PTPRS: variants seen among roughly 807,000 people sequenced by gnomAD.
PTPRS encodes the protein receptor-type tyrosine-protein phosphatase S.
In PTPRS, 63 loss-of-function variants were observed where a neutral mutation model predicts 215.3. The observed-to-expected ratio is 0.29, with a 90% CI of 0.24 to 0.36. The LOEUF is 0.36. Among genes scored for constraint, PTPRS ranks in the 10% least tolerant of loss-of-function variants. The pLI is 1.00. For missense variants in PTPRS, 2,258 were observed against 2,825.8 expected (o/e 0.80, Z 4.56); for synonymous variants, 1,404 against 1,191.4 (o/e 1.18, Z -3.68).
In PTPRS at chr19:5,258,133, G is replaced by A; in HGVS notation, c.596-6C>T. ...GCTTTCAATCTGCAGGGCTCCTGTG[G>A]GAAGATGGGAAAAAGCTTGGTCTGT... On this transcript the variant is annotated splice_polypyrimidine_tract_variant and splice_region_variant and intron_variant, in intron 7 of 37. Transcript: ENST00000262963. 2 of 1,612,204 alleles carry A rather than the reference G, an allele frequency of 1.2e-6. No individual in the cohort carries two copies. The highest frequency in any genetic ancestry group is 1.7e-6 in the Non-Finnish European group (2 of 1,178,234).
chr19:5,264,811 C>T (rs2046284443), intron 5 of PTPRS, among the ~76,000 whole-genome samples, 197 bp downstream of exon 5: 1 of 152,206 alleles, frequency 6.6e-6, no homozygotes, highest in Non-Finnish European at 1.5e-5. Context: ...AGTACTCATG[C>T]CCATCTGTGC....
chr19:5,329,358 C>T (rs578023524), intron 1 of PTPRS, among the ~76,000 whole-genome samples: 1 of 152,292 alleles, frequency 6.6e-6, no homozygotes, highest in African/African-American at 2.4e-5. Flanking sequence ...TGGCCGATAA[C>T]ATCTTTGCTC....
rs556730009 is a variant in PTPRS at position 5,339,474 on chromosome 19, T to C, written c.-95+1190A>G. The stretch of plus-strand genomic sequence containing the variant: ...TTCCCAGTTTGTGGGAAAGGTTCCC[T>C]GATTTGAGGATTCTGGAGAGAAAGC... On this transcript the variant is annotated intron_variant, in intron 1 of 37. Transcript: ENST00000262963. The surrounding 1 kb of genome is among the most constrained non-coding windows in gnomAD (Gnocchi z 4.2). 6.6e-6 allele frequency among the ~76,000 whole-genome samples: 1 copy of C among 151,308 alleles called. No individual in the cohort carries two copies. The highest frequency in any genetic ancestry group is 2.0e-4 in the East Asian group (1 of 5,084).
intron 1 of PTPRS, among the ~76,000 whole-genome samples, chr19:5,331,036 G>A (rs1212760034): frequency 6.6e-6 from 1 of 151,724 alleles, no homozygotes; most frequent in African/African-American, 2.4e-5. Flanking sequence ...ACGTCAGGGA[G>A]CGTGTTGGGT....
chr19:5,309,822 C>T (rs2049635783), intron 1 of PTPRS, among the ~76,000 whole-genome samples: 1 of 152,140 alleles, frequency 6.6e-6, no homozygotes, highest in Non-Finnish European at 1.5e-5. Flanking sequence ...CATCCCTGGC[C>T]TGGATCTGTG....
intron 2 of PTPRS, among the ~76,000 whole-genome samples, chr19:5,284,867 G>C (rs1401284203): frequency 6.6e-6 from 1 of 152,108 alleles, no homozygotes; most frequent in East Asian, 1.9e-4. Context: ...AGGATTGCTT[G>C]AGCCTGAGAA....
chr19:5,274,286 G>C lies in PTPRS; in HGVS notation c.150C>G (p.Ala50=). ...KDQIGVSGGV[A]SFVCQATGDP... ...CACCCGTGGCCTGACACACGAAAGA[G>C]GCCACACCCCCCGACACGCCGATCT... Residue 50 remains alanine (A), a synonymous_variant, in exon 3 of 38, where the codon GCC becomes GCG. Transcript: ENST00000262963. 6.2e-7 allele frequency: 1 copy of C among 1,613,936 alleles called. No individual in the cohort carries two copies. The highest frequency in any genetic ancestry group is 8.5e-7 in the Non-Finnish European group (1 of 1,179,950).
intron 1 of PTPRS, among the ~76,000 whole-genome samples, chr19:5,288,769 C>T (rs1262979959): frequency 6.6e-6 from 1 of 152,212 alleles, no homozygotes; most frequent in Non-Finnish European, 1.5e-5. Context: ...ATATGGAGGG[C>T]CCCAGCCACA....
At chr19:5,305,654 A>G (rs1378377000) in intron 1 of PTPRS, among the ~76,000 whole-genome samples, 1 of 149,722 alleles carries the variant, frequency 6.7e-6, no homozygotes, top group Non-Finnish European at 1.5e-5. Context: ...GCTTGAGCCC[A>G]GGAGTTTGAG....
chr19:5,265,199 G>A lies in PTPRS; in HGVS notation c.380-3C>T. Reference sequence around the variant, plus strand: ...GAAGCCAGAGGGCAGCTGGTCCTCTGAGGGCAGAGACGTGAGAGAAATGGG... The same window carrying A: ...GAAGCCAGAGGGCAGCTGGTCCTCTAAGGGCAGAGACGTGAGAGAAATGGG... On this transcript the variant is annotated splice_polypyrimidine_tract_variant and splice_region_variant and intron_variant, in intron 4 of 37. Coordinates refer to ENST00000262963, the MANE Select transcript of PTPRS (RefSeq NM_002850.4). The A allele has an allele frequency of 6.2e-7, 1 of 1,612,722 alleles. No individual in the cohort carries two copies. Among genetic ancestry groups the A allele is most frequent in the Non-Finnish European group, 8.5e-7 (1 of 1,179,174 alleles).
Position 5,293,795 on chromosome 19 carries a change from G to A in PTPRS, c.-94-7561C>T, listed in dbSNP as rs2049031794. On this transcript the variant is annotated intron_variant, in intron 1 of 37. Coordinates refer to ENST00000262963, the MANE Select transcript of PTPRS (RefSeq NM_002850.4). This position sits in a 1 kb window ranked among gnomAD's most constrained non-coding sequence, Gnocchi z 8.4. ...GCTTCCCTCCCGCTGGGGGTCCAGG[G>A]GAATGAATGGGGGGACACCGTGGCA... Among the ~76,000 whole-genome samples the A allele has an allele frequency of 6.6e-6, 1 of 152,148 alleles. No homozygotes were observed. The highest frequency in any genetic ancestry group is 1.5e-5 in the Non-Finnish European group (1 of 68,004).
At chr19:5,267,481 A>AC (rs2046498501) in intron 4 of PTPRS, among the ~76,000 whole-genome samples, 2 of 151,716 alleles carry the variant, frequency 1.3e-5, no homozygotes. Flanking sequence ...ACATGGTGAA[A>AC]CCCCGTCTCT....
intron 2 of PTPRS, among the ~76,000 whole-genome samples, 165 bp downstream of exon 2, chr19:5,285,885 C>G (rs185927158): frequency 1.3e-5 from 2 of 152,338 alleles, no homozygotes; most frequent in African/African-American, 4.8e-5. Flanking sequence ...GGGCTCAGCA[C>G]ACAGTCCTCA....
At chr19:5,330,097 T>A (rs1022419504) in intron 1 of PTPRS, among the ~76,000 whole-genome samples, 9 of 138,904 alleles carry the variant, frequency 6.5e-5, no homozygotes, top group African/African-American at 1.1e-4. Context: ...AAAAAAAAAA[T>A]TATTAAGAAT....
rs1452418456 is a variant in PTPRS, at chr19:5,339,761, C to A, written c.-95+903G>T. ...CCCCGGTATGACGTCACCTCCCCTCCCCCCGCAGCCCCCGGGGGCTCCCGG... is the reference window on the plus strand; with the variant it reads ...CCCCGGTATGACGTCACCTCCCCTCACCCCGCAGCCCCCGGGGGCTCCCGG... On this transcript the variant is annotated intron_variant, in intron 1 of 37. Coordinates refer to ENST00000262963, the MANE Select transcript of PTPRS (RefSeq NM_002850.4). The surrounding 1 kb of genome is among the most constrained non-coding windows in gnomAD (Gnocchi z 4.2). Among the ~76,000 whole-genome samples the A allele has an allele frequency of 6.6e-6, 1 of 151,782 alleles. No homozygotes were observed. Among genetic ancestry groups the A allele is most frequent in the Non-Finnish European group, 1.5e-5 (1 of 67,852 alleles).
rs1371015986 is a variant in PTPRS at position 5,221,339 on chromosome 19, ACTGAGCC to A, written c.3202-93_3202-87del. On this transcript the variant is annotated intron_variant, in intron 19 of 37. Coordinates refer to ENST00000262963, the MANE Select transcript of PTPRS (RefSeq NM_002850.4). ...GCTCCAGGATGAGTCCCCCACCCTG[ACTGAGCC>A]CTGATCCCACTGAATCCTGCCCTAG... is the stretch of plus-strand genomic sequence containing the variant. 9 of 1,513,980 alleles carry A rather than the reference ACTGAGCC, an allele frequency of 5.9e-6. No homozygotes were observed. In the East Asian group the frequency reaches 1.8e-4, roughly 31 times the overall value. 93.8% of individuals were successfully genotyped at this position (1,513,980 alleles called of 1,614,324 possible).
At chr19:5,272,595 CAAAAAAAAAAA>C (rs10527451) in intron 4 of PTPRS, among the ~76,000 whole-genome samples, 23 of 73,434 alleles carry the variant, frequency 3.1e-4, no homozygotes, top group South Asian at 6.3e-4. Context: ...AAGACTGTCT[CAAAAAAAAAAA>C]AAAAAAAAAA....
Position 5,237,039 on chromosome 19 carries a change from C to T in PTPRS, c.1849+1880G>A, listed in dbSNP as rs945333664. ...AACGCCCAGTCTGGTTACCTACCTT[C>T]CACTCTTCAACTGCTAACTTAAAAG... is the stretch of plus-strand genomic sequence containing the variant. On this transcript the variant is annotated intron_variant, in intron 13 of 37. Transcript: ENST00000262963. The surrounding 1 kb of genome is among the most constrained non-coding windows in gnomAD (Gnocchi z 4.2). Among the ~76,000 whole-genome samples the T allele has an allele frequency of 6.6e-6, 1 of 152,198 alleles. No individual in the cohort carries two copies. Among genetic ancestry groups the T allele is most frequent in the African/African-American group, 2.4e-5 (1 of 41,432 alleles).
At chr19:5,255,888 T>C (rs2045514801) in intron 9 of PTPRS, among the ~76,000 whole-genome samples, 2 of 152,198 alleles carry the variant, frequency 1.3e-5, no homozygotes, top group Admixed American at 1.3e-4. Context: ...TTCGTGTCTT[T>C]CTGGGTTTTG....
Sources: gnomAD v4.1 joint callset for allele counts (sites outside exome capture counted in the v4.1 genomes callset) on GRCh38, gnomAD v4.1.1 for gene constraint, Gnocchi (gnomAD v3.1) non-coding constraint, MANE v1.5 for transcripts, NCBI Gene and HGNC (gene_info 2026-07-23, HGNC 2026-07-21) for gene names.